MTMR10: variants seen among roughly 807,000 people sequenced by gnomAD.
MTMR10 encodes the protein myotubularin related protein 10.
MTMR10 carries 56 observed loss-of-function variants against 88.1 expected under a neutral mutation model. The observed-to-expected ratio is 0.64, with a 90% confidence interval of 0.51 to 0.79. The LOEUF (loss-of-function observed/expected upper bound fraction) is 0.79. Ranked by LOEUF, MTMR10 falls within the 30% of genes least tolerant of loss-of-function variation. The pLI is 0.00. For missense variants in MTMR10, 883 were observed against 924.7 expected, an observed-to-expected ratio of 0.95 and a Z score of 0.58; for synonymous variants, 380 against 340.9, an observed-to-expected ratio of 1.11 and a Z score of -1.26.
At chr15:30,975,183 A>G (rs1828105002) in intron 3 of MTMR10, among the ~76,000 whole-genome samples, 180 bp from the exon 4 acceptor site, 1 of 152,176 alleles carries the variant, frequency 6.6e-6, no homozygotes, top group Admixed American at 6.5e-5. Context: ...AAATGTACAC[A>G]ACAATCTTAT....
At chr15:30,988,119 G>A (rs1304867691) in intron 2 of MTMR10, among the ~76,000 whole-genome samples, 1 of 152,178 alleles carries the variant, frequency 6.6e-6, no homozygotes, top group Non-Finnish European at 1.5e-5. Flanking sequence ...CATGGGTAGA[G>A]CAGTAGGCTA....
At chr15:30,947,335 T>C in intron 13 of MTMR10, 35 bp from the exon 14 acceptor site, 1 of 1,596,910 alleles carries the variant, frequency 6.3e-7, no homozygotes. Context: ...GATCATTTAA[T>C]GTTATCCTTC....
chr15:30,991,553 C>T lies in MTMR10; in HGVS notation c.-47G>A, dbSNP rs778193078. The stretch of plus-strand genomic sequence containing the variant: ...CGTTCCCGTCGCGGGCCAGTGGCAG[C>T]GCCGACGCCTCCGGGCGTAAAGCTC... On this transcript the variant is annotated 5_prime_UTR_variant, in exon 1 of 16. Transcript: ENST00000435680. 29 of 1,527,980 alleles carry T rather than the reference C, an allele frequency of 1.9e-5. No homozygotes were observed. The Admixed American group carries it at 2.2e-4, about 11-fold the overall frequency. 94.7% of individuals were successfully genotyped at this position (1,527,980 alleles called of 1,614,324 possible). A position where few individuals can be genotyped will look rare whatever the true frequency, so the allele number is the denominator to read the frequency against.
At chr15:30,922,490 T>C in the MTMR10 span, 3 of 939,792 alleles carry the variant, frequency 3.2e-6, no homozygotes, top group South Asian at 1.8e-5. Flanking sequence ...CTTTTGTCTG[T>C]GTTCTTCCAA....
chr15:30,984,000 T>C (rs7183880), intron 2 of MTMR10, among the ~76,000 whole-genome samples: 45,841 of 151,814 alleles, frequency 0.3, 8,026 homozygotes, highest in African/African-American at 0.5. Context: ...AAGAAGAGCA[T>C]TGAGATAGTA....
chr15:30,920,496 T>C, the MTMR10 span: 9 of 1,197,252 alleles, frequency 7.5e-6, no homozygotes, highest in African/African-American at 1.5e-5. Context: ...TATTGTCTTA[T>C]AATAAATTAA....
downstream of MTMR10, chr15:30,938,919 T>C (rs1265669480): frequency 1.0e-6 from 1 of 985,336 alleles, no homozygotes; most frequent in Non-Finnish European, 1.2e-6. Flanking sequence ...TTCCAGTAGA[T>C]GATTTCATAC....
the MTMR10 span, among the ~76,000 whole-genome samples, chr15:30,924,241 A>G: frequency 2.6e-5 from 4 of 152,066 alleles, no homozygotes; most frequent in African/African-American, 9.7e-5. Context: ...TTTTCTAGCC[A>G]CTCATTGGTT....
chr15:30,945,705 A>G (rs979903017), intron 14 of MTMR10, among the ~76,000 whole-genome samples: 1 of 152,246 alleles, frequency 6.6e-6, no homozygotes, highest in Non-Finnish European at 1.5e-5. Context: ...CATGTATTTT[A>G]GGAACAAATG....
At position 30,984,273 on chromosome 15, in the gene MTMR10, A is replaced by C. The variant is rs146344029; in HGVS notation, c.121+6504T>G. ...GGAGGGGTAAGAAAATGCTGGCCTA[A>C]GGTACTGCAGCAAAAGCCTAAGGAA... On this transcript the variant is annotated intron_variant, in intron 2 of 15. Coordinates refer to ENST00000435680, the MANE Select transcript of MTMR10 (RefSeq NM_017762.3). Among the ~76,000 whole-genome samples the C allele has an allele frequency of 8.6e-3, 1,316 of 152,310 alleles. 6 individuals are homozygous for C. Among genetic ancestry groups the C allele is most frequent in the Middle Eastern group, 0.017 (5 of 294 alleles).
chr15:30,982,208 C>T (rs1274594075), intron 2 of MTMR10, among the ~76,000 whole-genome samples: 1 of 152,148 alleles, frequency 6.6e-6, no homozygotes, highest in African/African-American at 2.4e-5. Flanking sequence ...CAACTAAATG[C>T]TATGTAGTAT....
chr15:30,929,409 C>A, the MTMR10 span: 2 of 1,581,922 alleles, frequency 1.3e-6, no homozygotes, highest in East Asian at 2.3e-5. Flanking sequence ...TAATGGTTCA[C>A]CTGCATGGCA....
rs965278500 is a variant in MTMR10 at position 30,947,122 on chromosome 15, T to C, written c.1548+8A>G. ...GGAAAACGTAGCCACAGCCACAGGG[T>C]TGCTTACCGTGCTTTGCTTCACTCG... On this transcript the variant is annotated splice_region_variant and intron_variant, in intron 14 of 15. Coordinates refer to ENST00000435680, the MANE Select transcript of MTMR10 (RefSeq NM_017762.3). The C allele has an allele frequency of 6.3e-7, 1 of 1,594,702 alleles. No individual in the cohort carries two copies. Among genetic ancestry groups the C allele is most frequent in the Non-Finnish European group, 8.5e-7 (1 of 1,171,756 alleles).
the MTMR10 span, chr15:30,925,815 A>C: frequency 6.2e-7 from 1 of 1,614,202 alleles, no homozygotes; most frequent in African/African-American, 1.3e-5. Context: ...GGCTGTGCCC[A>C]CAGCGTGGGA....
At chr15:30,936,481 T>C (rs1300618883), downstream of MTMR10, among the ~76,000 whole-genome samples, 1 of 152,140 alleles carries the variant, frequency 6.6e-6, no homozygotes. Context: ...AGTGCATGCT[T>C]TAAAACAATT....
downstream of MTMR10, among the ~76,000 whole-genome samples, chr15:30,934,837 A>G (rs946709671): frequency 1.3e-5 from 2 of 152,172 alleles, no homozygotes; most frequent in African/African-American, 4.8e-5. Flanking sequence ...TCAATAATAT[A>G]TATCTTCCCT....
chr15:30,991,301 C>G (rs948009560), intron 1 of MTMR10, 146 bp downstream of exon 1: 2 of 800,002 alleles, frequency 2.5e-6, no homozygotes, highest in African/African-American at 3.6e-5. Context: ...AGGCGCATTT[C>G]GCGGCGCCGG....
chr15:30,991,129 T>G, intron 1 of MTMR10: 1 of 512,656 alleles, frequency 2.0e-6, no homozygotes, highest in South Asian at 3.1e-5. Context: ...CTGGCGGTCA[T>G]ACGAGGGAGG....
chr15:30,951,858 G>T, intron 12 of MTMR10, 110 bp downstream of exon 12: 1 of 917,394 alleles, frequency 1.1e-6, no homozygotes, highest in Non-Finnish European at 1.7e-6. Flanking sequence ...TGGTACTGTA[G>T]TAAATAAGAA....
Sources: gnomAD v4.1 joint callset for allele counts (sites outside exome capture counted in the v4.1 genomes callset) on GRCh38, gnomAD v4.1.1 for gene constraint, MANE v1.5 for transcripts, NCBI Gene and HGNC (gene_info 2026-07-23, HGNC 2026-07-21) for gene names.